Variants in EPRS1 observed in about 807,000 individuals in gnomAD.
EPRS1 encodes glutamyl-prolyl-tRNA synthetase 1, also known as bifunctional glutamate/proline--tRNA ligase.
In EPRS1, 107 loss-of-function variants were observed where a neutral mutation model predicts 188.3. The observed-to-expected ratio is 0.57, with a 90% CI of 0.49 to 0.67. The LOEUF (loss-of-function observed/expected upper bound fraction) is 0.67. Ranked by LOEUF, EPRS1 falls within the 30% of genes least tolerant of loss-of-function variation. The pLI is 0.00. For missense variants in EPRS1, 1,577 were observed against 1,802.2 expected (o/e 0.88, Z 2.26); for synonymous variants, 596 against 593.1 (o/e 1.00, Z -0.07).
Position 220,022,324 on chromosome 1 carries a change from CATATTGAAGGAGAT to C in EPRS1, c.1115+9_1115+22del, listed in dbSNP as rs781222125. 3.8e-6 allele frequency: 6 copies of C among 1,593,412 alleles called. No individual in the cohort carries two copies. Among genetic ancestry groups the C allele is most frequent in the Non-Finnish European group, 4.3e-6 (5 of 1,165,986 alleles). On this transcript the variant is annotated intron_variant, in intron 9 of 31. Transcript: ENST00000366923. Reference sequence around the variant, plus strand: ...AACAAAAGCACAGATGGCTACCTAGCATATTGAAGGAGATATACTTACTTGTATTTATTTCCAGT... The same window carrying C: ...AACAAAAGCACAGATGGCTACCTAGCATACTTACTTGTATTTATTTCCAGT...
chr1:220,040,373 T>C (rs1255945084), intron 1 of EPRS1, 104 bp from the exon 2 acceptor site: 2 of 727,708 alleles, frequency 2.7e-6, no homozygotes, highest in Non-Finnish European at 2.3e-6. Flanking sequence ...TATTAAGTCC[T>C]ACAAGGAGTG....
At chr1:220,035,245 G>C (rs781236018) in intron 2 of EPRS1, among the ~76,000 whole-genome samples, 6 of 152,136 alleles carry the variant, frequency 3.9e-5, no homozygotes, top group Non-Finnish European at 8.8e-5. Flanking sequence ...CTGCCTCCAG[G>C]GTTCAAGCAA....
At position 220,025,203 on chromosome 1, in the gene EPRS1, T is replaced by A. The variant is rs200463021; in HGVS notation, c.679A>T (p.Asn227Tyr). 6.2e-7 allele frequency: 1 copy of A among 1,612,692 alleles called. No individual in the cohort carries two copies. The highest frequency in any genetic ancestry group is 2.2e-5 in the East Asian group (1 of 44,812). The change falls in exon 7 of 32, where the codon AAC becomes TAC. Residue 227 changes from asparagine (N) to tyrosine (Y), a missense_variant. Around this residue, in one of 3 missense-constraint regions of EPRS1, gnomAD observed 1,278 missense variants for 1,457.4 expected, o/e 0.88. Coordinates refer to ENST00000366923, the MANE Select transcript of EPRS1 (RefSeq NM_004446.3). ...AALLNQHYQVNFKGKLIMRFD... is the reference protein window; with the variant it reads ...AALLNQHYQVYFKGKLIMRFD... ...CTCATGATCAGTTTCCCTTTAAAGTTAACCTGGTAGTGCTGGTTCAGAAGA... is the reference window on the plus strand; with the variant it reads ...CTCATGATCAGTTTCCCTTTAAAGTAAACCTGGTAGTGCTGGTTCAGAAGA...
At chr1:220,008,683 G>C (rs1571680197) in intron 13 of EPRS1, among the ~76,000 whole-genome samples, 1 of 152,132 alleles carries the variant, frequency 6.6e-6, no homozygotes, top group African/African-American at 2.4e-5. Flanking sequence ...GCAGTACTTA[G>C]TAATTTAATT....
chr1:220,044,681 CAAAAAAAAAAAAAAAAA>C (rs71560597), intron 1 of EPRS1, among the ~76,000 whole-genome samples: 7,829 of 88,696 alleles, frequency 0.088, 560 homozygotes, highest in South Asian at 0.21. Context: ...GCTCGGTCTC[CAAAAAAAAAAAAAAAAA>C]AAAAAAAAAA....
At chr1:219,991,251 TG>T (rs1211984204) in intron 18 of EPRS1, among the ~76,000 whole-genome samples, 1 of 143,930 alleles carries the variant, frequency 6.9e-6, no homozygotes, top group Non-Finnish European at 1.5e-5. Flanking sequence ...AAAAAAAACC[TG>T]GAACATTATC....
Position 219,978,418 on chromosome 1 carries a change from A to G in EPRS1, c.4083+128T>C, listed in dbSNP as rs1007051382. On this transcript the variant is annotated intron_variant, in intron 28 of 31. Coordinates refer to ENST00000366923, the MANE Select transcript of EPRS1 (RefSeq NM_004446.3). ...CAGTGCTCAACAGTTTAAGTGAAGA[A>G]GAAGAAAACTCACAACTATCAAAAT... is the stretch of plus-strand genomic sequence containing the variant. 1.8e-5 allele frequency: 12 copies of G among 650,246 alleles called. No homozygotes were observed. In the African/African-American group the frequency reaches 2.2e-4, roughly 12 times the overall value. The allele number at this position is 650,246 out of a possible 1,614,324, so 40.3% of individuals were successfully genotyped here.
At position 220,018,055 on chromosome 1, in the gene EPRS1, T is replaced by C. The variant is rs1661756961; in HGVS notation, c.1494+394A>G. On this transcript the variant is annotated intron_variant, in intron 12 of 31. Transcript: ENST00000366923. ...AATGTGATTGTGCTTCAAAGCCATA[T>C]AACATCTCAGGTTTTAACATGTAAT... The C allele has an allele frequency of 3.4e-6, 3 of 871,438 alleles. No homozygotes were observed. In the African/African-American group the frequency reaches 5.3e-5, roughly 15 times the overall value. 54.0% of individuals were successfully genotyped at this position (871,438 alleles called of 1,614,324 possible).
chr1:219,981,331 AAAAG>A, intron 24 of EPRS1, 43 bp downstream of exon 24: 2 of 1,304,050 alleles, frequency 1.5e-6, no homozygotes, highest in Admixed American at 2.2e-5. Flanking sequence ...AAAAAAAAAA[AAAAG>A]AACATGAATA....
At chr1:220,005,444 C>A in intron 15 of EPRS1, 84 bp from the exon 16 acceptor site, 1 of 649,532 alleles carries the variant, frequency 1.5e-6, no homozygotes, top group East Asian at 2.9e-5. Flanking sequence ...TTTCCACTAA[C>A]TAAAATACTC....
intron 12 of EPRS1, among the ~76,000 whole-genome samples, chr1:220,015,956 C>G (rs950108433): frequency 6.6e-6 from 1 of 151,988 alleles, no homozygotes; most frequent in Non-Finnish European, 1.5e-5. Flanking sequence ...TACAGAGCAG[C>G]ACAGAAGGCT....
chr1:220,000,492 A>G (rs550650729), intron 17 of EPRS1, among the ~76,000 whole-genome samples: 1 of 152,348 alleles, frequency 6.6e-6, no homozygotes, highest in South Asian at 2.1e-4. Flanking sequence ...AGAGATCTGT[A>G]AAAATTTAAA....
chr1:220,028,287 G>T (rs1335241087), intron 6 of EPRS1, among the ~76,000 whole-genome samples: 1 of 152,034 alleles, frequency 6.6e-6, no homozygotes. Flanking sequence ...TTAAAATACA[G>T]AAATTAATTT....
intron 28 of EPRS1, among the ~76,000 whole-genome samples, chr1:219,977,493 TAGTAGCCAGC>T (rs936550080): frequency 6.6e-6 from 1 of 152,168 alleles, no homozygotes; most frequent in Non-Finnish European, 1.5e-5. Context: ...TTAATCCCGC[TAGTAGCCAGC>T]AGTAAATTTC....
In EPRS1 at chr1:219,984,270, AAAGT is replaced by A. The variant is rs748291302; in HGVS notation, c.3039-17_3039-14del. On this transcript the variant is annotated splice_polypyrimidine_tract_variant and intron_variant, in intron 20 of 31. Transcript: ENST00000366923. ...CTCAAGACCCAACCTGCAGATGTGA[AAAGT>A]AAAAGATAAATATCTTCATTCAGCA... 1.9e-5 allele frequency: 31 copies of A among 1,603,596 alleles called. No homozygotes were observed. The highest frequency in any genetic ancestry group is 2.6e-5 in the Non-Finnish European group (30 of 1,170,852).
intron 12 of EPRS1, 46 bp from the exon 13 acceptor site, chr1:220,011,102 G>A (rs756140936): frequency 2.7e-6 from 3 of 1,100,726 alleles, no homozygotes; most frequent in Admixed American, 1.7e-5. Context: ...ATATCTTATA[G>A]AGCGCCATAA....
At chr1:220,009,692 G>A (rs2789805) in intron 13 of EPRS1, among the ~76,000 whole-genome samples, 129,116 of 149,872 alleles carry the variant, frequency 0.86, 55,845 homozygotes, top group African/African-American at 0.97. Context: ...TCAAAATTAA[G>A]AAAAAAAAAA....
At chr1:219,975,419 A>G (rs1041982413) in intron 28 of EPRS1, among the ~76,000 whole-genome samples, 10 of 152,186 alleles carry the variant, frequency 6.6e-5, no homozygotes, top group African/African-American at 2.2e-4. Flanking sequence ...ACTAGAATGC[A>G]TCCTGCGGTG....
intron 12 of EPRS1, among the ~76,000 whole-genome samples, chr1:220,013,771 T>C (rs1440983151): frequency 6.6e-6 from 1 of 152,062 alleles, no homozygotes; most frequent in Non-Finnish European, 1.5e-5. Context: ...AGGGAATGGG[T>C]TTCAGTGTAT....
Sources: gnomAD v4.1 joint callset for allele counts (sites outside exome capture counted in the v4.1 genomes callset) on GRCh38, gnomAD v4.1.1 for gene constraint, gnomAD v4.1.1 regional missense constraint, MANE v1.5 for transcripts, NCBI Gene and HGNC (gene_info 2026-07-23, HGNC 2026-07-21) for gene names.